The following GRID2 variants were observed in gnomAD, a reference collection of about 807,000 sequenced individuals.
The protein encoded by GRID2 is glutamate ionotropic receptor delta type subunit 2.
In GRID2, 33 loss-of-function variants were observed where a neutral mutation model predicts 114.8. The ratio of observed to expected loss-of-function variants is 0.29; its 90% CI spans 0.22 to 0.38. The LOEUF is 0.38. GRID2 is among the 10% of genes least tolerant of loss of function. The probability of loss-of-function intolerance (pLI) is 1.00; values close to 1 mark genes in which losing one functional copy is unlikely to be tolerated. For missense variants in GRID2, 1,184 were observed against 1,257.7 expected, an observed-to-expected ratio of 0.94 and a Z score of 0.89; for synonymous variants, 505 against 449.9, an observed-to-expected ratio of 1.12 and a Z score of -1.55.
At chr4:92,569,809 GT>G (rs763114196) in intron 1 of GRID2, among the ~76,000 whole-genome samples, 2 of 151,432 alleles carry the variant, frequency 1.3e-5, no homozygotes, top group Non-Finnish European at 3.0e-5. Context: ...ACTTTTTAAT[GT>G]TTTTTTTCCT....
At chr4:92,570,890 C>A (rs1727579296) in intron 1 of GRID2, among the ~76,000 whole-genome samples, 1 of 152,054 alleles carries the variant, frequency 6.6e-6, no homozygotes, top group African/African-American at 2.4e-5. Flanking sequence ...ATGTCATCTG[C>A]AAACAAGGAT....
At chr4:92,591,394 C>A (rs2149211874) in intron 2 of GRID2, among the ~76,000 whole-genome samples, 1 of 152,240 alleles carries the variant, frequency 6.6e-6, no homozygotes, top group African/African-American at 2.4e-5. Flanking sequence ...GCAGCCTAAA[C>A]TAAGAAACTA....
At chr4:93,414,946 A>T (rs1767559625) in intron 9 of GRID2, among the ~76,000 whole-genome samples, 1 of 151,958 alleles carries the variant, frequency 6.6e-6, no homozygotes, top group Non-Finnish European at 1.5e-5. Context: ...TTTTATCTTT[A>T]ATATTTGTGT....
At chr4:93,706,014 T>G (rs1008209186) in intron 14 of GRID2, among the ~76,000 whole-genome samples, 1 of 152,116 alleles carries the variant, frequency 6.6e-6, no homozygotes, top group Non-Finnish European at 1.5e-5. Flanking sequence ...ATTCCTGGGT[T>G]CTCTATTCTG....
chr4:92,637,769 A>G (rs1731143627), intron 2 of GRID2, among the ~76,000 whole-genome samples: 1 of 151,946 alleles, frequency 6.6e-6, no homozygotes, highest in Admixed American at 6.6e-5. Flanking sequence ...TTATTCTAAC[A>G]TTAGTAGAAA....
At chr4:93,205,629 T>A (rs113505723) in intron 4 of GRID2, among the ~76,000 whole-genome samples, 11,618 of 152,206 alleles carry the variant, frequency 0.076, 778 homozygotes, top group African/African-American at 0.18. Context: ...CGTGTGCATG[T>A]GTCTTTATAG....
intron 1 of GRID2, among the ~76,000 whole-genome samples, chr4:93,790,250 A>C (rs1273840286): frequency 6.6e-6 from 1 of 152,112 alleles, no homozygotes; most frequent in Non-Finnish European, 1.5e-5. Context: ...TGCAATAAAA[A>C]AACTGAAGAG....
In GRID2 at chr4:92,345,855, T is replaced by C. The variant is rs537904843; in HGVS notation, c.88+41111T>C. On this transcript the variant is annotated intron_variant, in intron 1 of 15. Transcript: ENST00000282020. ...GTAAGCATCGTTAGCCTTCTCCTTT[T>C]GGTTTCTTAATTAACCCCATAATCA... Among the ~76,000 whole-genome samples the C allele has an allele frequency of 1.3e-4, 20 of 152,330 alleles. No individual in the cohort carries two copies. In the Middle Eastern group the frequency reaches 0.014, roughly 104 times the overall value.
intron 13 of GRID2, among the ~76,000 whole-genome samples, chr4:93,548,443 C>A (rs890846511): frequency 1.7e-4 from 26 of 152,040 alleles, no homozygotes; most frequent in African/African-American, 6.3e-4. Context: ...TTGAACAAGG[C>A]TTTTTACTTT....
chr4:92,815,055 A>C (rs918326351), intron 2 of GRID2, among the ~76,000 whole-genome samples: 5 of 152,160 alleles, frequency 3.3e-5, no homozygotes, highest in African/African-American at 1.2e-4. Context: ...TAATTGGCAC[A>C]ATATACTTGT....
At chr4:92,792,783 T>G (rs1004823615) in intron 2 of GRID2, among the ~76,000 whole-genome samples, 2 of 151,838 alleles carry the variant, frequency 1.3e-5, no homozygotes, top group African/African-American at 4.8e-5. Context: ...TTAATTTTTT[T>G]GAGTGGGAGT....
chr4:93,257,981 TATATATATATATATATATACAC>T (rs1749790478), intron 8 of GRID2, among the ~76,000 whole-genome samples: 1 of 136,926 alleles, frequency 7.3e-6, no homozygotes, highest in Admixed American at 7.2e-5. Flanking sequence ...TGTGTGTGTA[TATATATATATATATATATACAC>T]ACACACACAC....
intron 2 of GRID2, among the ~76,000 whole-genome samples, chr4:92,941,200 G>A (rs1398298722): frequency 1.3e-5 from 2 of 152,068 alleles, no homozygotes; most frequent in African/African-American, 2.4e-5. Flanking sequence ...TCTGGTCCTG[G>A]ACTTTTTTTG....
chr4:92,744,066 G>A (rs908647935), intron 2 of GRID2, among the ~76,000 whole-genome samples: 13 of 151,540 alleles, frequency 8.6e-5, no homozygotes, highest in Non-Finnish European at 1.9e-4. Flanking sequence ...TATCACATTT[G>A]TTATGTTATA....
intron 14 of GRID2, among the ~76,000 whole-genome samples, chr4:93,759,602 T>G (rs1733038362): frequency 6.6e-6 from 1 of 152,224 alleles, no homozygotes; most frequent in Non-Finnish European, 1.5e-5. Flanking sequence ...TTGACTTACA[T>G]TAAGTAAGGA....
chr4:92,756,518 TA>T (rs2149342393), intron 2 of GRID2, among the ~76,000 whole-genome samples: 1 of 152,284 alleles, frequency 6.6e-6, no homozygotes, highest in African/African-American at 2.4e-5. Flanking sequence ...GAGAAATATC[TA>T]TATTGTTTTC....
intron 2 of GRID2, among the ~76,000 whole-genome samples, chr4:93,057,050 A>G (rs1727313897): frequency 6.6e-6 from 1 of 151,974 alleles, no homozygotes; most frequent in East Asian, 1.9e-4. Context: ...GCATGCAAAT[A>G]AAAACAAGAA....
At chr4:92,361,727 C>T in intron 1 of GRID2, among the ~76,000 whole-genome samples, 1 of 151,918 alleles carries the variant, frequency 6.6e-6, no homozygotes, top group East Asian at 1.9e-4. Context: ...TCTCCAAATT[C>T]CTTTGTTGCC....
intron 2 of GRID2, among the ~76,000 whole-genome samples, chr4:92,698,407 T>C (rs1734521715): frequency 6.6e-6 from 1 of 152,096 alleles, no homozygotes; most frequent in African/African-American, 2.4e-5. Flanking sequence ...GGGGTAATGA[T>C]GTTACCTGTT....
Sources: allele counts gnomAD v4.1 joint callset (sites outside exome capture counted in the v4.1 genomes callset), GRCh38; gene constraint gnomAD v4.1.1; transcripts MANE v1.5; gene names NCBI Gene and HGNC (gene_info 2026-07-23, HGNC 2026-07-21).